Variants in DNAH11 observed in about 807,000 individuals in gnomAD.
DNAH11 encodes dynein axonemal heavy chain 11, also known as axonemal beta dynein heavy chain 11.
DNAH11 carries 442 observed loss-of-function variants against 526.0 expected under a neutral mutation model. The observed-to-expected ratio is 0.84, with a 90% CI of 0.78 to 0.91. The LOEUF is 0.91. Among genes scored for constraint, DNAH11 ranks in the 40% least tolerant of loss-of-function variants. DNAH11 has a pLI of 0.00. For missense variants in DNAH11, 6,989 were observed against 5,448.7 expected, an observed-to-expected ratio of 1.28 and a Z score of -8.90; for synonymous variants, 2,461 against 1,935.9, an observed-to-expected ratio of 1.27 and a Z score of -7.12.
At chr7:21,721,519 A>T (rs893677576) in intron 44 of DNAH11, among the ~76,000 whole-genome samples, 2 of 152,194 alleles carry the variant, frequency 1.3e-5, no homozygotes, top group African/African-American at 2.4e-5. Context: ...AAAGTCCAAG[A>T]TTATGGTGTC....
intron 53 of DNAH11, 66 bp downstream of exon 53, chr7:21,749,867 A>G (rs914414488): frequency 1.1e-5 from 17 of 1,598,330 alleles, no homozygotes; most frequent in Admixed American, 5.1e-5. Flanking sequence ...GTTTCAGTGA[A>G]CTTTAAAGAG....
chr7:21,899,755 A>C (rs981450866), intron 80 of DNAH11, among the ~76,000 whole-genome samples: 1 of 152,184 alleles, frequency 6.6e-6, no homozygotes, highest in Non-Finnish European at 1.5e-5. Flanking sequence ...AACCACAGAC[A>C]ATCCACAAAT....
chr7:21,784,392 T>G, intron 57 of DNAH11, 35 bp from the exon 58 acceptor site: 1 of 1,492,730 alleles, frequency 6.7e-7, no homozygotes, highest in Non-Finnish European at 9.3e-7. Context: ...TGATAATAAT[T>G]TATACGGGTT....
intron 2 of DNAH11, among the ~76,000 whole-genome samples, chr7:21,557,029 C>T (rs1423805081): frequency 1.3e-5 from 2 of 151,532 alleles, no homozygotes; most frequent in South Asian, 4.2e-4. Context: ...TGCCACTGCA[C>T]TTCAGCCTCA....
intron 60 of DNAH11, among the ~76,000 whole-genome samples, chr7:21,788,733 C>T (rs1788302219): frequency 6.6e-6 from 1 of 152,166 alleles, no homozygotes; most frequent in Admixed American, 6.5e-5. Context: ...AATTTTTCCA[C>T]ACTTATTTTC....
In DNAH11 at chr7:21,588,526, T is replaced by C. The variant is rs767651462; in HGVS notation, c.1863T>C (p.His621=). The C allele has an allele frequency of 6.2e-7, 1 of 1,613,800 alleles. No homozygotes were observed. The highest frequency in any genetic ancestry group is 8.5e-7 in the Non-Finnish European group (1 of 1,179,718). Residue 621 remains histidine, a synonymous_variant, in exon 11 of 82, where the codon CAT becomes CAC. Coordinates refer to ENST00000409508, the MANE Select transcript of DNAH11 (RefSeq NM_001277115.2). ...TCAACTTGCAGATTGAATGTGGTCA[T>C]GTAGTTCTTAACAAGAACATGCCAT... is the stretch of plus-strand genomic sequence containing the variant. ...NEHMKQIECG[H]VVLNKNMPFT...
At chr7:21,664,310 A>C (rs771806978) in intron 30 of DNAH11, among the ~76,000 whole-genome samples, 16 of 151,744 alleles carry the variant, frequency 1.1e-4, no homozygotes, top group Admixed American at 2.0e-4. Flanking sequence ...TTGTTTTTAA[A>C]TGTTCATTTT....
At chr7:21,853,118 A>G (rs547075735) in intron 67 of DNAH11, among the ~76,000 whole-genome samples, 7 of 152,318 alleles carry the variant, frequency 4.6e-5, no homozygotes, top group African/African-American at 1.4e-4. Flanking sequence ...CCCCAGGAAA[A>G]ATGACATTTC....
At chr7:21,738,610 A>G in intron 46 of DNAH11, 91 bp from the exon 47 acceptor site, 1 of 1,334,022 alleles carries the variant, frequency 7.5e-7, no homozygotes, top group Non-Finnish European at 1.0e-6. Context: ...GGTGGATGAA[A>G]TCGACAGAAG....
At chr7:21,889,979 G>C (rs937470019) in intron 76 of DNAH11, among the ~76,000 whole-genome samples, 1 of 152,138 alleles carries the variant, frequency 6.6e-6, no homozygotes, top group African/African-American at 2.4e-5. Flanking sequence ...CATTTCTCAG[G>C]TTTTGTTTGT....
At position 21,606,504 on chromosome 7, in the gene DNAH11, G is replaced by A. The variant is rs773337840; in HGVS notation, c.3727G>A (p.Glu1243Lys). ...TGAAGTCTCACCTCTCCATAATGCG[G>A]AAGTCACTCTTATAAGGAAAAAATG... ...RHEVSPLHNA[E>K]VTLIRKKCIL... Residue 1243 changes from glutamate (E) to lysine (K), a missense_variant, in exon 19 of 82, where the codon GAA (glutamate) becomes AAA (lysine). Physicochemically the swap from Glu to Lys is moderately conservative, Grantham distance 56 (BLOSUM62 1). Transcript: ENST00000409508. 6 of 1,611,130 alleles carry A rather than the reference G, an allele frequency of 3.7e-6. No homozygotes were observed. Among genetic ancestry groups the A allele is most frequent in the South Asian group, 1.1e-5 (1 of 89,654 alleles).
chr7:21,620,773 T>G (rs1391826195), intron 25 of DNAH11, among the ~76,000 whole-genome samples: 1 of 139,104 alleles, frequency 7.2e-6, no homozygotes, highest in Non-Finnish European at 1.5e-5. Flanking sequence ...GTCCATGTGT[T>G]CTCATTGTTC....
Position 21,660,982 on chromosome 7 carries a change from C to T in DNAH11, c.5328+1951C>T, listed in dbSNP as rs535262742. Among the ~76,000 whole-genome samples the T allele has an allele frequency of 1.3e-4, 19 of 151,918 alleles. No individual in the cohort carries two copies. The East Asian group carries it at 3.1e-3, about 25-fold the overall frequency. Reference sequence around the variant, plus strand: ...TTATTTTCTTTCTTCTCCTTTGTTTCGGTTTACTCTGGTTGTCTAACTTCT... The same window carrying T: ...TTATTTTCTTTCTTCTCCTTTGTTTTGGTTTACTCTGGTTGTCTAACTTCT... On this transcript the variant is annotated intron_variant, in intron 30 of 81. Transcript: ENST00000409508.
chr7:21,544,473 A>G lies in DNAH11; in HGVS notation c.352-533A>G, dbSNP rs1255331729. ...TAAGTTTGTCAGTAGACAAGGCGAT[A>G]GAACACAACTCTAGTATTACCTAAG... On this transcript the variant is annotated intron_variant, in intron 1 of 81. Coordinates refer to ENST00000409508, the MANE Select transcript of DNAH11 (RefSeq NM_001277115.2). 2.0e-5 allele frequency among the ~76,000 whole-genome samples: 3 copies of G among 152,246 alleles called. No individual in the cohort carries two copies. The East Asian group carries it at 5.8e-4, about 29-fold the overall frequency.
chr7:21,619,243 T>C (rs762149168), intron 24 of DNAH11, 21 bp downstream of exon 24: 1 of 1,602,804 alleles, frequency 6.2e-7, no homozygotes, highest in South Asian at 1.1e-5. Context: ...CGGGACTGGG[T>C]CATTTCTACT....
At chr7:21,705,350 A>C (rs1251963780) in intron 38 of DNAH11, 110 bp from the exon 39 acceptor site, 2 of 964,728 alleles carry the variant, frequency 2.1e-6, no homozygotes, top group Non-Finnish European at 1.6e-6. Context: ...TACTGTTGTC[A>C]GTGGGGGCTG....
At chr7:21,622,083 C>G (rs200609758) in intron 25 of DNAH11, among the ~76,000 whole-genome samples, 3 of 151,894 alleles carry the variant, frequency 2.0e-5, no homozygotes, top group East Asian at 3.9e-4. Flanking sequence ...TTGTCTCAGC[C>G]CAAAATCTCC....
intron 74 of DNAH11, among the ~76,000 whole-genome samples, chr7:21,877,152 T>A (rs747839640): frequency 2.2e-4 from 34 of 152,212 alleles, no homozygotes; most frequent in Non-Finnish European, 7.3e-5. Flanking sequence ...TCCCTCACAG[T>A]GGAGTAAAAT....
chr7:21,615,290 A>T lies in DNAH11; in HGVS notation c.4011+18A>T. 1 of 1,606,132 alleles carries T rather than the reference A, an allele frequency of 6.2e-7. No homozygotes were observed. The highest frequency in any genetic ancestry group is 1.1e-5 in the South Asian group (1 of 89,316). On this transcript the variant is annotated intron_variant, in intron 21 of 81. Coordinates refer to ENST00000409508, the MANE Select transcript of DNAH11 (RefSeq NM_001277115.2). ...ATGTTCGAGTAAGATGTGCTTTTTC[A>T]AAACATGCTTTTTATTTAGTAGTTC... is the stretch of plus-strand genomic sequence containing the variant.
Sources: gnomAD v4.1 joint callset for allele counts (sites outside exome capture counted in the v4.1 genomes callset) on GRCh38, gnomAD v4.1.1 for gene constraint, MANE v1.5 for transcripts, NCBI Gene and HGNC (gene_info 2026-07-23, HGNC 2026-07-21) for gene names.